Variants in CD163L1 observed in about 807,000 individuals in gnomAD.
The protein encoded by CD163L1 is CD163 molecule like 1.
In CD163L1, 124 loss-of-function variants were observed where a neutral mutation model predicts 165.4. The observed-to-expected ratio is 0.75, with a 90% CI of 0.65 to 0.87. CD163L1 has a LOEUF of 0.87. Ranked by LOEUF, CD163L1 falls within the 40% of genes least tolerant of loss-of-function variation. The pLI, the probability that CD163L1 is intolerant of heterozygous loss-of-function variation, is 0.00. For synonymous variants in CD163L1, 585 were observed against 662.2 expected (o/e 0.88, Z 1.79); for missense variants, 1,525 against 1,799.9 (o/e 0.85, Z 2.76).
intron 4 of CD163L1, among the ~76,000 whole-genome samples, chr12:7,414,925 TCAC>T (rs1948207973): frequency 6.6e-6 from 1 of 152,156 alleles, no homozygotes; most frequent in Non-Finnish European, 1.5e-5. Context: ...AGAAAGTTTA[TCAC>T]CACATCTTCC....
chr12:7,386,295 A>G (rs1409548572), intron 8 of CD163L1, among the ~76,000 whole-genome samples: 1 of 152,122 alleles, frequency 6.6e-6, no homozygotes, highest in Non-Finnish European at 1.5e-5. Flanking sequence ...GAACAGATCA[A>G]TCATGAGTAA....
At chr12:7,357,903 G>A (rs1946810931) in intron 18 of CD163L1, among the ~76,000 whole-genome samples, 1 of 152,074 alleles carries the variant, frequency 6.6e-6, no homozygotes, top group Non-Finnish European at 1.5e-5. Flanking sequence ...TGTTGTCTGT[G>A]GATAGAGAAA....
intron 4 of CD163L1, among the ~76,000 whole-genome samples, chr12:7,413,525 G>A (rs973607749): frequency 4.6e-5 from 7 of 152,128 alleles, no homozygotes; most frequent in Non-Finnish European, 5.9e-5. Flanking sequence ...CCTCACCTGT[G>A]GATCCCTCCG....
chr12:7,402,924 C>A (rs1270417168), intron 6 of CD163L1, among the ~76,000 whole-genome samples: 2 of 152,044 alleles, frequency 1.3e-5, no homozygotes, highest in Non-Finnish European at 2.9e-5. Flanking sequence ...TGAGCCACTG[C>A]ACCTAGCTTT....
chr12:7,378,175 G>C (rs1388635705), intron 9 of CD163L1, among the ~76,000 whole-genome samples: 2 of 152,138 alleles, frequency 1.3e-5, no homozygotes, highest in East Asian at 3.9e-4. Context: ...CACATTCAGT[G>C]TATTCAGTTC....
intron 18 of CD163L1, among the ~76,000 whole-genome samples, chr12:7,360,603 T>G (rs1405392601): frequency 6.6e-6 from 1 of 152,188 alleles, no homozygotes; most frequent in East Asian, 1.9e-4. Context: ...ATCCAGTGAT[T>G]TTTTGAAAAA....
At chr12:7,360,409 C>G (rs1009320708) in intron 18 of CD163L1, among the ~76,000 whole-genome samples, 1 of 152,130 alleles carries the variant, frequency 6.6e-6, no homozygotes, top group African/African-American at 2.4e-5. Flanking sequence ...TCCCAAAGTG[C>G]TGGGATTACA....
chr12:7,410,256 T>C (rs751744323), intron 4 of CD163L1, among the ~76,000 whole-genome samples: 16 of 152,118 alleles, frequency 1.1e-4, no homozygotes, highest in Admixed American at 3.3e-4. Flanking sequence ...ATTTGTGTAA[T>C]TGGAGTTCCA....
chr12:7,428,264 T>A (rs1040385066), intron 4 of CD163L1, among the ~76,000 whole-genome samples: 3 of 152,084 alleles, frequency 2.0e-5, no homozygotes, highest in Admixed American at 2.0e-4. Context: ...CATAACATAG[T>A]CAATTGTACT....
chr12:7,440,253 C>A (rs1948809683), intron 2 of CD163L1, among the ~76,000 whole-genome samples: 1 of 151,948 alleles, frequency 6.6e-6, no homozygotes, highest in Non-Finnish European at 1.5e-5. Flanking sequence ...GAGGCGGCCC[C>A]GCGAAGCTCA....
intron 18 of CD163L1, among the ~76,000 whole-genome samples, chr12:7,365,523 G>A (rs1020346777): frequency 4.6e-5 from 7 of 151,852 alleles, no homozygotes; most frequent in Non-Finnish European, 8.8e-5. Context: ...AACTAATAAC[G>A]GGTTAATAAT....
chr12:7,327,599 G>A, the CD163L1 span, among the ~76,000 whole-genome samples: 1 of 152,244 alleles, frequency 6.6e-6, no homozygotes, highest in East Asian at 1.9e-4. Context: ...ACATGAAGAT[G>A]GCCCTGTAGT....
chr12:7,329,104 A>G, the CD163L1 span, among the ~76,000 whole-genome samples: 5 of 148,274 alleles, frequency 3.4e-5, no homozygotes. Flanking sequence ...ATATATACAC[A>G]TATGTATCTA....
chr12:7,403,467 T>C, intron 6 of CD163L1, 68 bp downstream of exon 6: 1 of 1,453,292 alleles, frequency 6.9e-7, no homozygotes, highest in Non-Finnish European at 9.3e-7. Flanking sequence ...AAGCTATTGT[T>C]TCTAACCTCC....
chr12:7,439,921 T>TGTCGGCAG (rs1948794556), intron 2 of CD163L1: 2 of 1,597,764 alleles, frequency 1.3e-6, no homozygotes, highest in Non-Finnish European at 1.7e-6. Flanking sequence ...TTCGGCCAAC[T>TGTCGGCAG]CCTCAGTGCT....
rs139909593 is a variant in CD163L1, at chr12:7,361,321, T to C, written c.4280-3835A>G. 1.6e-3 allele frequency among the ~76,000 whole-genome samples: 250 copies of C among 152,322 alleles called. 1 individual carries two copies. The highest frequency in any genetic ancestry group is 0.01 in the Middle Eastern group (3 of 294). On this transcript the variant is annotated intron_variant, in intron 18 of 19. Transcript: ENST00000313599. ...TCTCTAGCTTCCAGTGGCTTCTTTT[T>C]CTATTTTCTCTGGCAAGAAAATAAA...
Position 7,432,791 on chromosome 12 carries a change from T to C in CD163L1, c.446-55A>G. Reference sequence around the variant, plus strand: ...AACTGATTCAACTTTGAGCCTGAAATAAAATCAAAAGGATACGTAGAAGAC... The same window carrying C: ...AACTGATTCAACTTTGAGCCTGAAACAAAATCAAAAGGATACGTAGAAGAC... On this transcript the variant is annotated intron_variant, in intron 3 of 19. Coordinates refer to ENST00000313599, the MANE Select transcript of CD163L1 (RefSeq NM_174941.6). The surrounding 1 kb of genome is among the most constrained non-coding windows in gnomAD (Gnocchi z 4.2). 1.4e-6 allele frequency: 2 copies of C among 1,455,530 alleles called. No homozygotes were observed. Among genetic ancestry groups the C allele is most frequent in the South Asian group, 2.7e-5 (2 of 73,900 alleles). The allele number at this position is 1,455,530 out of a possible 1,614,324, so 90.2% of individuals were successfully genotyped here. A position where few individuals can be genotyped will look rare whatever the true frequency, so the allele number is the denominator to read the frequency against.
At chr12:7,439,342 T>A (rs1948782643) in intron 2 of CD163L1, 6 of 1,591,814 alleles carry the variant, frequency 3.8e-6, no homozygotes, top group Non-Finnish European at 5.1e-6. Context: ...TCATCTTTTT[T>A]GGGCTTTTTG....
chr12:7,436,463 C>T (rs1948713818), intron 2 of CD163L1, among the ~76,000 whole-genome samples: 1 of 152,042 alleles, frequency 6.6e-6, no homozygotes, highest in Admixed American at 6.6e-5. Flanking sequence ...ATGATTAAAT[C>T]TCAACAGCAT....
Sources: allele counts gnomAD v4.1 joint callset (sites outside exome capture counted in the v4.1 genomes callset), GRCh38; gene constraint gnomAD v4.1.1; non-coding constraint Gnocchi (gnomAD v3.1); transcripts MANE v1.5; gene names NCBI Gene and HGNC (gene_info 2026-07-23, HGNC 2026-07-21).